CNTNAP2: variants seen among roughly 807,000 people sequenced by gnomAD.
CNTNAP2 encodes the protein contactin associated protein 2.
Under a neutral mutation model 155.2 loss-of-function variants are expected in CNTNAP2, and 98 were observed. That is an observed-to-expected ratio of 0.63 (90% CI 0.54 to 0.75). CNTNAP2 has a LOEUF of 0.75. Among genes scored for constraint, CNTNAP2 ranks in the 30% least tolerant of loss-of-function variants. The probability of loss-of-function intolerance (pLI) is 0.00; values close to 1 mark genes in which losing one functional copy is unlikely to be tolerated. For synonymous variants in CNTNAP2, 651 were observed against 631.2 expected, an observed-to-expected ratio of 1.03 and a Z score of -0.47; for missense variants, 1,727 against 1,688.1, an observed-to-expected ratio of 1.02 and a Z score of -0.40.
chr7:146,844,110 T>C (rs2129201564), intron 3 of CNTNAP2, among the ~76,000 whole-genome samples: 1 of 152,236 alleles, frequency 6.6e-6, no homozygotes, highest in East Asian at 1.9e-4. Context: ...CGAGTTATTT[T>C]ATCACTGTTG....
chr7:146,485,840 A>G (rs1797047010), intron 1 of CNTNAP2, among the ~76,000 whole-genome samples: 1 of 152,084 alleles, frequency 6.6e-6, no homozygotes, highest in Non-Finnish European at 1.5e-5. Flanking sequence ...AAACCTGCAC[A>G]CGTACCCCAA....
intron 1 of CNTNAP2, among the ~76,000 whole-genome samples, chr7:146,679,780 G>A (rs1177023793): frequency 1.3e-5 from 2 of 151,316 alleles, no homozygotes; most frequent in Non-Finnish European, 2.9e-5. Flanking sequence ...TCTTTTGCCT[G>A]TATTCCCAAT....
rs149111683 is a variant in CNTNAP2, at chr7:147,634,978, C to T, written c.1898-4128C>T. Reference sequence around the variant, plus strand: ...TGCCGGGAAAATTCCAGAATTAGAACATTTGCATTTGTATTTCTTCTGTCT... The same window carrying T: ...TGCCGGGAAAATTCCAGAATTAGAATATTTGCATTTGTATTTCTTCTGTCT... On this transcript the variant is annotated intron_variant, in intron 12 of 23. Coordinates refer to ENST00000361727, the MANE Select transcript of CNTNAP2 (RefSeq NM_014141.6). Among the ~76,000 whole-genome samples the T allele has an allele frequency of 1.5e-4, 23 of 152,220 alleles. No individual in the cohort carries two copies. The East Asian group carries it at 4.3e-3, about 28-fold the overall frequency.
At chr7:146,570,276 T>C (rs551186245) in intron 1 of CNTNAP2, among the ~76,000 whole-genome samples, 4 of 152,222 alleles carry the variant, frequency 2.6e-5, no homozygotes, top group Admixed American at 2.0e-4. Flanking sequence ...AAACACTGGA[T>C]AATGTAATAT....
chr7:146,144,524 C>A (rs1797929787), intron 1 of CNTNAP2, among the ~76,000 whole-genome samples: 1 of 152,108 alleles, frequency 6.6e-6, no homozygotes, highest in Non-Finnish European at 1.5e-5. Flanking sequence ...CCTTCCTGTT[C>A]CCAGGCTAAA....
At chr7:146,921,823 G>A (rs1288103033) in intron 3 of CNTNAP2, among the ~76,000 whole-genome samples, 1 of 152,100 alleles carries the variant, frequency 6.6e-6, no homozygotes, top group Non-Finnish European at 1.5e-5. Flanking sequence ...GTAGCAGATG[G>A]AAACTGAACA....
intron 3 of CNTNAP2, among the ~76,000 whole-genome samples, chr7:146,978,678 G>A (rs1409421255): frequency 6.6e-6 from 1 of 151,086 alleles, no homozygotes; most frequent in Non-Finnish European, 1.5e-5. Flanking sequence ...TTAATATTTT[G>A]TCCAAATTTA....
At chr7:146,464,412 G>T (rs1158488460) in intron 1 of CNTNAP2, among the ~76,000 whole-genome samples, 2 of 151,932 alleles carry the variant, frequency 1.3e-5, no homozygotes, top group African/African-American at 4.8e-5. Flanking sequence ...GTCCTAAAAT[G>T]AATTATTTCA....
intron 8 of CNTNAP2, among the ~76,000 whole-genome samples, chr7:147,222,014 C>T (rs1338832528): frequency 6.6e-6 from 1 of 152,108 alleles, no homozygotes; most frequent in Non-Finnish European, 1.5e-5. Flanking sequence ...TGGCTTCTTT[C>T]AGGATTTTTT....
At chr7:147,215,076 C>T (rs934497705) in intron 8 of CNTNAP2, among the ~76,000 whole-genome samples, 34 of 152,180 alleles carry the variant, frequency 2.2e-4, no homozygotes, top group African/African-American at 7.9e-4. Context: ...AATCACCTCC[C>T]ACCAAGTCCC....
At chr7:146,453,223 T>A (rs977699194) in intron 1 of CNTNAP2, among the ~76,000 whole-genome samples, 2 of 152,120 alleles carry the variant, frequency 1.3e-5, no homozygotes, top group Non-Finnish European at 2.9e-5. Context: ...GGCAGGTAAA[T>A]AACTACTGAA....
intron 13 of CNTNAP2, among the ~76,000 whole-genome samples, chr7:147,823,616 A>G (rs1181290641): frequency 6.6e-6 from 1 of 152,104 alleles, no homozygotes; most frequent in Non-Finnish European, 1.5e-5. Flanking sequence ...TATTGTCTTC[A>G]AGGGACTATA....
chr7:147,000,696 T>C (rs1373875353), intron 3 of CNTNAP2, among the ~76,000 whole-genome samples: 7 of 152,118 alleles, frequency 4.6e-5, no homozygotes, highest in African/African-American at 1.2e-4. Flanking sequence ...CCTGCCACAA[T>C]GCAGGGCTAA....
intron 13 of CNTNAP2, among the ~76,000 whole-genome samples, chr7:147,669,801 A>G (rs754540950): frequency 6.6e-6 from 1 of 152,158 alleles, no homozygotes; most frequent in African/African-American, 2.4e-5. Context: ...TCCAGCTATC[A>G]TATCATGACC....
In CNTNAP2 at chr7:148,016,542, AAAG is replaced by A. The variant is rs528404341; in HGVS notation, c.2383+38558_2383+38560del. ...GAAGAGAGGCAGAGGTGGAGACGTG[AAAG>A]AAGACAGCAAAATCACAGAGCTTCG... On this transcript the variant is annotated intron_variant, in intron 15 of 23. Coordinates refer to ENST00000361727, the MANE Select transcript of CNTNAP2 (RefSeq NM_014141.6). 2.0e-3 allele frequency among the ~76,000 whole-genome samples: 309 copies of A among 152,366 alleles called. 1 individual carries two copies. The highest frequency in any genetic ancestry group is 6.9e-3 in the African/African-American group (287 of 41,590).
intron 15 of CNTNAP2, among the ~76,000 whole-genome samples, chr7:148,066,715 G>A (rs1193515542): frequency 2.0e-5 from 3 of 152,106 alleles, no homozygotes; most frequent in African/African-American, 7.2e-5. Flanking sequence ...AGCCAGGATG[G>A]TCTCGATCTC....
At chr7:146,767,340 T>C (rs939326420) in intron 1 of CNTNAP2, among the ~76,000 whole-genome samples, 4 of 152,216 alleles carry the variant, frequency 2.6e-5, no homozygotes, top group Admixed American at 1.3e-4. Context: ...GGAATTTCTA[T>C]GATAGATCAG....
rs138582078 is a variant in CNTNAP2 at position 146,178,800 on chromosome 7, G to C, written c.97+61827G>C. Among the ~76,000 whole-genome samples the C allele has an allele frequency of 5.5e-3, 835 of 152,224 alleles. 10 individuals carry two copies. Among genetic ancestry groups the C allele is most frequent in the African/African-American group, 0.019 (783 of 41,542 alleles). ...CAGGCAAAATTATTCTTTCAGTTCT[G>C]TTCTTATCATCATACAGTTGGGTCT... On this transcript the variant is annotated intron_variant, in intron 1 of 23. Transcript: ENST00000361727.
intron 13 of CNTNAP2, among the ~76,000 whole-genome samples, chr7:147,647,699 TA>T (rs1202810128): frequency 6.6e-6 from 1 of 152,146 alleles, no homozygotes; most frequent in Non-Finnish European, 1.5e-5. Context: ...TCTACCTAGA[TA>T]GTGAATAAAT....
Sources: allele counts gnomAD v4.1 joint callset (sites outside exome capture counted in the v4.1 genomes callset), GRCh38; gene constraint gnomAD v4.1.1; transcripts MANE v1.5; gene names NCBI Gene and HGNC (gene_info 2026-07-23, HGNC 2026-07-21).